The following SRGAP1 variants were observed in gnomAD, a reference collection of about 807,000 sequenced individuals.
SRGAP1 encodes SLIT-ROBO Rho GTPase-activating protein 1.
Under a neutral mutation model 121.9 loss-of-function variants are expected in SRGAP1, and 43 were observed. The ratio of observed to expected loss-of-function variants is 0.35; its 90% CI spans 0.28 to 0.46. SRGAP1 has a LOEUF of 0.46. Ranked by LOEUF, SRGAP1 falls within the 20% of genes least tolerant of loss-of-function variation. The pLI is 1.00. For synonymous variants in SRGAP1, 447 were observed against 485.4 expected (o/e 0.92, Z 1.04); for missense variants, 1,102 against 1,350.9 (o/e 0.82, Z 2.89).
At chr12:64,132,961 A>T (rs552395299) in intron 21 of SRGAP1, among the ~76,000 whole-genome samples, 2 of 152,254 alleles carry the variant, frequency 1.3e-5, no homozygotes, top group African/African-American at 2.4e-5. Flanking sequence ...TCCAATCCAC[A>T]TACCAGGAGA....
intron 1 of SRGAP1, among the ~76,000 whole-genome samples, chr12:63,954,449 C>T (rs1312218072): frequency 2.6e-5 from 4 of 151,988 alleles, no homozygotes; most frequent in East Asian, 1.9e-4. Flanking sequence ...GAGGCTGAGG[C>T]GGGTGGATCA....
chr12:64,071,893 G>A (rs898481114), intron 8 of SRGAP1, among the ~76,000 whole-genome samples: 3 of 151,388 alleles, frequency 2.0e-5, no homozygotes, highest in Non-Finnish European at 4.4e-5. Context: ...AAAAAAAGTC[G>A]TGGGGCAGCA....
At chr12:64,085,114 A>G (rs1403732010) in intron 10 of SRGAP1, among the ~76,000 whole-genome samples, 1 of 152,104 alleles carries the variant, frequency 6.6e-6, no homozygotes, top group African/African-American at 2.4e-5. Context: ...GACTGGGATT[A>G]AAACAAACTT....
At chr12:63,950,479 CTG>C (rs1178010755) in intron 1 of SRGAP1, among the ~76,000 whole-genome samples, 1 of 151,876 alleles carries the variant, frequency 6.6e-6, no homozygotes, top group Non-Finnish European at 1.5e-5. Context: ...GAGTCCATCT[CTG>C]TTTTCTGGCA....
chr12:64,033,893 G>A (rs1234817639), intron 4 of SRGAP1, among the ~76,000 whole-genome samples: 4 of 151,978 alleles, frequency 2.6e-5, no homozygotes, highest in Admixed American at 6.6e-5. Flanking sequence ...AGTGGCAGGC[G>A]CCTGTAATCC....
intron 2 of SRGAP1, among the ~76,000 whole-genome samples, chr12:63,986,220 A>G (rs751576706): frequency 3.4e-5 from 5 of 147,406 alleles, no homozygotes; most frequent in Admixed American, 6.9e-5. Flanking sequence ...GACACACACA[A>G]TCTCTCAACT....
chr12:63,872,055 G>T, intron 1 of SRGAP1: 1 of 754,672 alleles, frequency 1.3e-6, no homozygotes, highest in South Asian at 1.6e-5. Context: ...CTTTGCAGCA[G>T]GGCTGTTCTG....
At chr12:63,890,748 C>T (rs1335598698) in intron 1 of SRGAP1, among the ~76,000 whole-genome samples, 2 of 152,212 alleles carry the variant, frequency 1.3e-5, no homozygotes, top group Non-Finnish European at 2.9e-5. Flanking sequence ...TGGGTTTCTG[C>T]AGGCCCCAGG....
Position 63,985,105 on chromosome 12 carries a change from G to A in SRGAP1, c.263+963G>A, listed in dbSNP as rs545259382. Among the ~76,000 whole-genome samples, 8 of 152,164 alleles carry A rather than the reference G, an allele frequency of 5.3e-5. No individual in the cohort carries two copies. In the South Asian group the frequency reaches 1.5e-3, roughly 28 times the overall value. ...TTCAAGTGCTCCAACAGGGGAAGGC[G>A]GGGGAGACCCTGGACAGACCCAACT... On this transcript the variant is annotated intron_variant, in intron 2 of 21. Coordinates refer to ENST00000355086, the MANE Select transcript of SRGAP1 (RefSeq NM_020762.4).
intron 3 of SRGAP1, among the ~76,000 whole-genome samples, chr12:64,000,971 G>T (rs1026378357): frequency 6.6e-6 from 1 of 152,050 alleles, no homozygotes; most frequent in South Asian, 2.1e-4. Flanking sequence ...AAAGAAATAT[G>T]ATATGAAAAA....
intron 4 of SRGAP1, among the ~76,000 whole-genome samples, chr12:64,031,065 C>T (rs183192869): frequency 0.018 from 2,739 of 152,222 alleles, 98 homozygotes; most frequent in African/African-American, 0.063. Context: ...TGCCTGTAAT[C>T]CCAGCACTTT....
At chr12:64,117,039 C>T (rs115309641) in intron 18 of SRGAP1, among the ~76,000 whole-genome samples, 1,738 of 152,234 alleles carry the variant, frequency 0.011, 26 homozygotes, top group African/African-American at 0.039. Context: ...CTACCTGGCC[C>T]TGGGGTGCCG....
chr12:64,122,076 G>A (rs1223520287), intron 18 of SRGAP1, among the ~76,000 whole-genome samples: 1 of 152,126 alleles, frequency 6.6e-6, no homozygotes, highest in East Asian at 1.9e-4. Context: ...AAAAATGTCA[G>A]CAACAGCAAG....
intron 17 of SRGAP1, among the ~76,000 whole-genome samples, chr12:64,113,873 C>A (rs987098949): frequency 6.6e-6 from 1 of 152,182 alleles, no homozygotes; most frequent in Non-Finnish European, 1.5e-5. Context: ...TCAGAAACTG[C>A]CCTGTGCAGC....
At chr12:63,868,411 T>C (rs796645827) in intron 1 of SRGAP1, among the ~76,000 whole-genome samples, 20 of 152,134 alleles carry the variant, frequency 1.3e-4, no homozygotes, top group African/African-American at 4.3e-4. Flanking sequence ...GGTTTTGTTA[T>C]GTTGCCTAGG....
Position 64,153,899 on chromosome 12 carries a change from A to G in SRGAP1, c.*11227A>G, listed in dbSNP as rs922615084. The G allele has an allele frequency of 2.0e-5, 3 of 152,250 alleles. No homozygotes were observed. Among genetic ancestry groups the G allele is most frequent in the African/African-American group, 7.2e-5 (3 of 41,466 alleles). The allele number at this position is 152,250 out of a possible 1,614,324, so 9.4% of individuals were successfully genotyped here. A position where few individuals can be genotyped will look rare whatever the true frequency, so the allele number is the denominator to read the frequency against. ...AATAGCCACAAGAGAGAAGCAACCC[A>G]TGAATGGATGAATGGGTAAAGAAAA... is the stretch of plus-strand genomic sequence containing the variant. On this transcript the variant is annotated 3_prime_UTR_variant, in exon 22 of 22. Transcript: ENST00000355086.
At chr12:63,880,834 G>A (rs772117542) in intron 1 of SRGAP1, among the ~76,000 whole-genome samples, 4 of 152,102 alleles carry the variant, frequency 2.6e-5, no homozygotes, top group Non-Finnish European at 4.4e-5. Context: ...TGCCTCCCTG[G>A]CTCCTGGCAG....
intron 3 of SRGAP1, among the ~76,000 whole-genome samples, chr12:64,009,613 A>C (rs2034193645): frequency 6.6e-6 from 1 of 152,160 alleles, no homozygotes; most frequent in Non-Finnish European, 1.5e-5. Flanking sequence ...TCCAGCAATT[A>C]CATCAGTAAT....
At chr12:64,032,195 C>T (rs549985510) in intron 4 of SRGAP1, among the ~76,000 whole-genome samples, 2 of 152,264 alleles carry the variant, frequency 1.3e-5, no homozygotes, top group South Asian at 2.1e-4. Context: ...GTGTCCCATG[C>T]TCCAGTGCTT....
Sources: allele counts gnomAD v4.1 joint callset (sites outside exome capture counted in the v4.1 genomes callset), GRCh38; gene constraint gnomAD v4.1.1; transcripts MANE v1.5; gene names NCBI Gene and HGNC (gene_info 2026-07-23, HGNC 2026-07-21).